Variants in ERI3 observed in about 807,000 individuals in gnomAD.
ERI3 encodes ERI1 exoribonuclease 3.
In ERI3, 18 loss-of-function variants were observed where a neutral mutation model predicts 44.4. The ratio of observed to expected loss-of-function variants is 0.41; its 90% CI spans 0.28 to 0.60. The LOEUF (loss-of-function observed/expected upper bound fraction) is 0.60. Among genes scored for constraint, ERI3 ranks in the 20% least tolerant of loss-of-function variants. The pLI is 0.36. For synonymous variants in ERI3, 183 were observed against 164.8 expected (o/e 1.11, Z -0.84); for missense variants, 294 against 435.5 (o/e 0.68, Z 2.89).
chr1:44,260,424 C>T (rs60094520), intron 7 of ERI3, among the ~76,000 whole-genome samples: 1 of 152,156 alleles, frequency 6.6e-6, no homozygotes, highest in East Asian at 1.9e-4. Context: ...ACCCTAAAGC[C>T]AAGCCTCCTG....
intron 2 of ERI3, among the ~76,000 whole-genome samples, chr1:44,342,741 C>A (rs1219638226): frequency 7.2e-6 from 1 of 139,852 alleles, no homozygotes; most frequent in Non-Finnish European, 1.5e-5. Context: ...CGAACTCCCA[C>A]GCTCAAGCAA....
chr1:44,339,570 C>T (rs914981697), intron 2 of ERI3, among the ~76,000 whole-genome samples: 1 of 152,116 alleles, frequency 6.6e-6, no homozygotes, highest in African/African-American at 2.4e-5. Context: ...TCTCCCAGAT[C>T]ATTCTCAAAA....
At chr1:44,232,872 G>A (rs1271210139) in intron 8 of ERI3, among the ~76,000 whole-genome samples, 1 of 152,146 alleles carries the variant, frequency 6.6e-6, no homozygotes, top group African/African-American at 2.4e-5. Context: ...ATTATACAGG[G>A]GTTCTATTTA....
chr1:44,292,708 T>G (rs547154306), intron 6 of ERI3, among the ~76,000 whole-genome samples: 3 of 152,362 alleles, frequency 2.0e-5, no homozygotes, highest in Non-Finnish European at 4.4e-5. Flanking sequence ...GGGAATGCAC[T>G]GCTGACTTAT....
In ERI3 at chr1:44,335,699, C is replaced by A. The variant is rs144216676; in HGVS notation, c.489+3346G>T. Among the ~76,000 whole-genome samples the A allele has an allele frequency of 8.4e-3, 1,253 of 149,520 alleles. 18 individuals are homozygous for A. The highest frequency in any genetic ancestry group is 0.029 in the African/African-American group (1,159 of 40,530). ...GCTTGAGGCAGAGGTTGCGGTGAGC[C>A]GAGATCACACCATTGCACTCCAGCC... On this transcript the variant is annotated intron_variant, in intron 3 of 8. Coordinates refer to ENST00000372257, the MANE Select transcript of ERI3 (RefSeq NM_024066.3).
intron 7 of ERI3, among the ~76,000 whole-genome samples, chr1:44,260,308 G>A (rs1443832778): frequency 3.9e-5 from 6 of 152,256 alleles, no homozygotes; most frequent in Non-Finnish European, 7.3e-5. Context: ...CCAGAATGGT[G>A]TGTGTTGCTT....
chr1:44,315,400 T>C (rs562855351), intron 4 of ERI3, among the ~76,000 whole-genome samples: 2 of 152,282 alleles, frequency 1.3e-5, no homozygotes, highest in African/African-American at 2.4e-5. Context: ...CCCAGGAAAA[T>C]CACTGATGTG....
intron 7 of ERI3, among the ~76,000 whole-genome samples, chr1:44,276,019 G>A (rs1645174131): frequency 6.6e-6 from 1 of 152,342 alleles, no homozygotes; most frequent in Non-Finnish European, 1.5e-5. Flanking sequence ...GTGAAGGGGA[G>A]CCAGCTTGTA....
intron 5 of ERI3, among the ~76,000 whole-genome samples, chr1:44,310,801 T>G (rs1645939119): frequency 6.6e-6 from 1 of 151,660 alleles, no homozygotes; most frequent in African/African-American, 2.4e-5. Flanking sequence ...TGCCAGACTA[T>G]GCAGACCATG....
At chr1:44,244,604 C>A (rs1255557105) in intron 8 of ERI3, among the ~76,000 whole-genome samples, 1 of 152,118 alleles carries the variant, frequency 6.6e-6, no homozygotes, top group Admixed American at 6.5e-5. Context: ...ATTTCCAGGG[C>A]CGATGCACTC....
At chr1:44,291,141 G>T (rs1645499434) in intron 6 of ERI3, among the ~76,000 whole-genome samples, 2 of 152,156 alleles carry the variant, frequency 1.3e-5, no homozygotes, top group Admixed American at 6.5e-5. Context: ...TAGGAAATAG[G>T]GGTTTCTCAT....
chr1:44,231,178 A>G (rs1323089195), intron 8 of ERI3, among the ~76,000 whole-genome samples: 1 of 152,226 alleles, frequency 6.6e-6, no homozygotes, highest in Non-Finnish European at 1.5e-5. Context: ...ACATGAGGTC[A>G]GGTGTGGAAT....
chr1:44,304,276 CAAAGACGAGATCACTCTGGT>C (rs1435247801), intron 6 of ERI3, among the ~76,000 whole-genome samples: 2 of 151,908 alleles, frequency 1.3e-5, no homozygotes, highest in Admixed American at 6.6e-5. Flanking sequence ...GAAGCTATGG[CAAAGACGAGATCACTCTGGT>C]AAGTGTGAAT....
intron 8 of ERI3, among the ~76,000 whole-genome samples, chr1:44,238,288 G>C (rs1478106498): frequency 6.6e-6 from 1 of 152,040 alleles, no homozygotes; most frequent in Admixed American, 6.6e-5. Context: ...GGGAGACAGG[G>C]AGAGACCAAT....
At chr1:44,318,440 T>C (rs1301837333) in intron 4 of ERI3, among the ~76,000 whole-genome samples, 4 of 152,182 alleles carry the variant, frequency 2.6e-5, no homozygotes, top group Non-Finnish European at 4.4e-5. Flanking sequence ...CCTGGTGGTA[T>C]AGGTAAATCC....
In ERI3 at chr1:44,327,008, A is replaced by G. The variant is rs1358635808; in HGVS notation, c.490-7264T>C. Among the ~76,000 whole-genome samples the G allele has an allele frequency of 4.6e-5, 7 of 152,346 alleles. No homozygotes were observed. In the South Asian group the frequency reaches 1.2e-3, roughly 27 times the overall value. On this transcript the variant is annotated intron_variant, in intron 3 of 8. Coordinates refer to ENST00000372257, the MANE Select transcript of ERI3 (RefSeq NM_024066.3). ...CACCTGTGTCTCCCTCTGTATGTACATGACTCAGAAACAGCCACAGTTCAA... is the reference window on the plus strand; with the variant it reads ...CACCTGTGTCTCCCTCTGTATGTACGTGACTCAGAAACAGCCACAGTTCAA...
intron 6 of ERI3, 27 bp from the exon 7 acceptor site, chr1:44,284,934 A>T (rs540142065): frequency 1.3e-6 from 2 of 1,597,780 alleles, no homozygotes; most frequent in South Asian, 2.2e-5. Flanking sequence ...AGAGAGAACA[A>T]GTTGGGCGCA....
At position 44,221,552 on chromosome 1, in the gene ERI3, G is replaced by T. The variant is rs766638193; in HGVS notation, c.*6C>A. On this transcript the variant is annotated 3_prime_UTR_variant, in exon 9 of 9. Coordinates refer to ENST00000372257, the MANE Select transcript of ERI3 (RefSeq NM_024066.3). The surrounding 1 kb of genome is among the most constrained non-coding windows in gnomAD (Gnocchi z 5.9). Reference sequence around the variant, plus strand: ...CCCTGTCCTGCCCCATCCTGTCCTCGGCCAATCAGAACGGCTTCGATGTCT... The same window carrying T: ...CCCTGTCCTGCCCCATCCTGTCCTCTGCCAATCAGAACGGCTTCGATGTCT... 1.5e-5 allele frequency: 25 copies of T among 1,613,124 alleles called. No homozygotes were observed. Among genetic ancestry groups the T allele is most frequent in the Non-Finnish European group, 2.0e-5 (24 of 1,179,242 alleles).
chr1:44,249,381 G>A (rs1281866127), intron 7 of ERI3, among the ~76,000 whole-genome samples: 1 of 152,132 alleles, frequency 6.6e-6, no homozygotes, highest in African/African-American at 2.4e-5. Flanking sequence ...AACACACAGG[G>A]GAGAGGGCCC....
Sources: allele counts gnomAD v4.1 joint callset (sites outside exome capture counted in the v4.1 genomes callset), GRCh38; gene constraint gnomAD v4.1.1; non-coding constraint Gnocchi (gnomAD v3.1); transcripts MANE v1.5; gene names NCBI Gene and HGNC (gene_info 2026-07-23, HGNC 2026-07-21).